Variants in KSR2 observed in about 807,000 individuals in gnomAD.
KSR2 encodes the protein kinase suppressor of ras 2.
A neutral mutation model predicts 107.8 loss-of-function variants in KSR2; 25 were observed. The ratio of observed to expected loss-of-function variants is 0.23; its 90% CI spans 0.17 to 0.32. KSR2 has a LOEUF of 0.32. Ranked by LOEUF, KSR2 falls within the 10% of genes least tolerant of loss-of-function variation. The pLI, the probability that KSR2 is intolerant of heterozygous loss-of-function variation, is 1.00. For missense variants in KSR2, 887 were observed against 1,268.9 expected, an observed-to-expected ratio of 0.70 and a Z score of 4.57; for synonymous variants, 480 against 507.0, an observed-to-expected ratio of 0.95 and a Z score of 0.71.
At chr12:117,547,905 G>A (rs189316194) in intron 9 of KSR2, among the ~76,000 whole-genome samples, 38 of 151,136 alleles carry the variant, frequency 2.5e-4, no homozygotes, top group African/African-American at 8.4e-4. Flanking sequence ...GACCAGCCTG[G>A]CCAACTAGTG....
At chr12:117,647,469 T>C (rs908282336) in intron 5 of KSR2, among the ~76,000 whole-genome samples, 4 of 152,030 alleles carry the variant, frequency 2.6e-5, no homozygotes, top group Non-Finnish European at 4.4e-5. Context: ...CAGGGTGCCA[T>C]GGGTGGGAGG....
At chr12:117,522,370 T>C (rs1874809556) in intron 14 of KSR2, among the ~76,000 whole-genome samples, 1 of 151,740 alleles carries the variant, frequency 6.6e-6, no homozygotes, top group Non-Finnish European at 1.5e-5. Context: ...GACAGAAAGA[T>C]GGGATAAGAG....
chr12:117,651,871 C>A (rs1326924111), intron 5 of KSR2, among the ~76,000 whole-genome samples: 1 of 152,186 alleles, frequency 6.6e-6, no homozygotes, highest in Non-Finnish European at 1.5e-5. Context: ...TATGTCAGAT[C>A]TAATGGTAGG....
chr12:117,777,088 T>TTATATATATATATATATATATATATA (rs1288633301), intron 3 of KSR2, among the ~76,000 whole-genome samples: 60 of 132,492 alleles, frequency 4.5e-4, no homozygotes, highest in Middle Eastern at 3.9e-3. Flanking sequence ...TATATATATT[T>TTATATATATATATATATATATATATA]TATATATATA....
chr12:117,642,003 A>C (rs1883385497), intron 5 of KSR2, among the ~76,000 whole-genome samples: 1 of 152,138 alleles, frequency 6.6e-6, no homozygotes, highest in Admixed American at 6.5e-5. Context: ...TTCTGCCTTA[A>C]ATGCACTTCC....
At chr12:117,870,324 G>C (rs886684179) in intron 1 of KSR2, among the ~76,000 whole-genome samples, 2 of 152,202 alleles carry the variant, frequency 1.3e-5, no homozygotes, top group Non-Finnish European at 2.9e-5. Context: ...TTCTCAGCCA[G>C]ACGTGGTGGC....
At chr12:117,514,610 T>C (rs1255062440) in intron 14 of KSR2, among the ~76,000 whole-genome samples, 1 of 150,640 alleles carries the variant, frequency 6.6e-6, no homozygotes, top group Non-Finnish European at 1.5e-5. Flanking sequence ...AGTGGTATGA[T>C]CATGGCTTTC....
intron 3 of KSR2, among the ~76,000 whole-genome samples, chr12:117,761,838 T>C (rs902229262): frequency 5.3e-5 from 8 of 152,200 alleles, no homozygotes; most frequent in Non-Finnish European, 1.2e-4. Context: ...TGTATGCATG[T>C]TATATGCACA....
intron 5 of KSR2, among the ~76,000 whole-genome samples, chr12:117,645,900 TGTGTGTGTG>T: frequency 6.6e-6 from 1 of 151,142 alleles, no homozygotes; most frequent in Admixed American, 6.6e-5. Context: ...TGTGTGTGTG[TGTGTGTGTG>T]TGTGTACAGC....
Position 117,477,261 on chromosome 12 carries a change from G to A in KSR2, c.2451-666C>T, listed in dbSNP as rs544664462. Among the ~76,000 whole-genome samples, 5 of 152,342 alleles carry A rather than the reference G, an allele frequency of 3.3e-5. No individual in the cohort carries two copies. The South Asian group carries it at 1.0e-3, about 32-fold the overall frequency. ...CCTGTTTGACCTAAGCTGGAAACAT[G>A]TGCATTGGGTAACTCAAACTTTTCC... On this transcript the variant is annotated intron_variant, in intron 16 of 19. Coordinates refer to ENST00000339824, the MANE Select transcript of KSR2 (RefSeq NM_173598.6).
chr12:117,777,700 T>C (rs1207140503), intron 3 of KSR2, among the ~76,000 whole-genome samples: 2 of 152,304 alleles, frequency 1.3e-5, no homozygotes, highest in South Asian at 2.1e-4. Flanking sequence ...ACTCACCTTC[T>C]CACTACTGTA....
intron 1 of KSR2, among the ~76,000 whole-genome samples, chr12:117,873,293 C>T (rs11068707): frequency 0.33 from 48,441 of 147,952 alleles, 8,065 homozygotes; most frequent in East Asian, 0.42. Context: ...TGCAGTGAGC[C>T]GATATGCACC....
chr12:117,947,246 A>T (rs542213076), intron 1 of KSR2, among the ~76,000 whole-genome samples: 42 of 125,134 alleles, frequency 3.4e-4, no homozygotes, highest in African/African-American at 1.3e-3. Context: ...AGAAAGAAAG[A>T]AAGAAAGAAA....
At chr12:117,557,326 C>T (rs113096740) in intron 8 of KSR2, among the ~76,000 whole-genome samples, 314 of 152,252 alleles carry the variant, frequency 2.1e-3, no homozygotes, top group African/African-American at 7.0e-3. Flanking sequence ...TCCCACAGCC[C>T]GCTCTGGCCA....
At chr12:117,934,094 A>C (rs1038755869) in intron 1 of KSR2, among the ~76,000 whole-genome samples, 4 of 152,128 alleles carry the variant, frequency 2.6e-5, no homozygotes, top group African/African-American at 9.7e-5. Flanking sequence ...CCTACTTAGA[A>C]TTTTCTGCAT....
intron 5 of KSR2, among the ~76,000 whole-genome samples, chr12:117,628,188 C>T (rs945472868): frequency 6.6e-6 from 1 of 152,162 alleles, no homozygotes; most frequent in Non-Finnish European, 1.5e-5. Context: ...CCTTCTGAAG[C>T]CTACTTCTGT....
At position 117,861,378 on chromosome 12, in the gene KSR2, C is replaced by CTTTTTTTTTTTTTTTTTTT. The variant is rs5801257; in HGVS notation, c.181-966_181-948dup. 6.1e-5 allele frequency among the ~76,000 whole-genome samples: 5 copies of CTTTTTTTTTTTTTTTTTTT among 81,672 alleles called. 1 individual carries two copies. The highest frequency in any genetic ancestry group is 1.1e-4 in the African/African-American group (2 of 17,542). 53.6% of individuals were successfully genotyped at this position (81,672 alleles called of 152,430 possible). A position where few individuals can be genotyped will look rare whatever the true frequency, so the allele number is the denominator to read the frequency against. ...TCTGTCCACAAGGACTCCCAATTCG[C>CTTTTTTTTTTTTTTTTTTT]TTTTTTTTTTTTTTTTTTTTTTTTT... is the stretch of plus-strand genomic sequence containing the variant. On this transcript the variant is annotated intron_variant, in intron 1 of 19. Coordinates refer to ENST00000339824, the MANE Select transcript of KSR2 (RefSeq NM_173598.6).
At chr12:117,737,782 C>CA (rs10587288) in intron 4 of KSR2, among the ~76,000 whole-genome samples, 1,277 of 83,136 alleles carry the variant, frequency 0.015, 18 homozygotes, top group African/African-American at 0.024. Context: ...AATCCTGTCT[C>CA]AAAAAAAAAA....
intron 9 of KSR2, among the ~76,000 whole-genome samples, chr12:117,553,075 A>G (rs758065519): frequency 6.6e-6 from 1 of 152,186 alleles, no homozygotes; most frequent in Non-Finnish European, 1.5e-5. Flanking sequence ...GCCCCATTTT[A>G]CCTACGGGAA....
Sources: allele counts gnomAD v4.1 joint callset (sites outside exome capture counted in the v4.1 genomes callset), GRCh38; gene constraint gnomAD v4.1.1; transcripts MANE v1.5; gene names NCBI Gene and HGNC (gene_info 2026-07-23, HGNC 2026-07-21).